The following WDR1 variants were observed in gnomAD, a reference collection of about 807,000 sequenced individuals.
The protein encoded by WDR1 is WD repeat domain 1, also known as WD repeat-containing protein 1.
WDR1 carries 21 observed loss-of-function variants against 71.9 expected under a neutral mutation model. The observed-to-expected ratio is 0.29, with a 90% CI of 0.21 to 0.42. The LOEUF is 0.42. Ranked by LOEUF, WDR1 falls within the 10% of genes least tolerant of loss-of-function variation. The probability of loss-of-function intolerance (pLI) is 1.00; values close to 1 mark genes in which losing one functional copy is unlikely to be tolerated. For missense variants in WDR1, 696 were observed against 824.5 expected (o/e 0.84, Z 1.91); for synonymous variants, 424 against 347.4 (o/e 1.22, Z -2.45).
At position 10,103,904 on chromosome 4, in the gene WDR1, G is replaced by A; in HGVS notation, c.221C>T (p.Ala74Val). The A allele has an allele frequency of 6.3e-7, 1 of 1,588,564 alleles. No homozygotes were observed. The highest frequency in any genetic ancestry group is 1.3e-5 in the African/African-American group (1 of 74,394). Residue 74 changes from alanine to valine, a missense_variant, in exon 3 of 15, where the codon GCC (alanine) becomes GTC (valine). By Grantham distance (64) the Ala-to-Val change is moderately conservative (BLOSUM62 0). Transcript: ENST00000499869. ...AKYAPSGFYI[A>V]SGDVSGKLRI... ...TTGCCCCCATACAGTACCTCCGGAG[G>A]CAATGTAGAATCCGCTGGGCGCATA...
Position 10,074,962 on chromosome 4 carries a change from A to C in WDR1, c.*416T>G. 9.0e-6 allele frequency: 2 copies of C among 223,260 alleles called. No homozygotes were observed. Among genetic ancestry groups the C allele is most frequent in the Non-Finnish European group, 1.8e-5 (2 of 113,280 alleles). The allele number at this position is 223,260 out of a possible 1,614,324, so 13.8% of individuals were successfully genotyped here. A position where few individuals can be genotyped will look rare whatever the true frequency, so the allele number is the denominator to read the frequency against. On this transcript the variant is annotated 3_prime_UTR_variant, in exon 15 of 15. Coordinates refer to ENST00000499869, the MANE Select transcript of WDR1 (RefSeq NM_017491.5). ...GCAATGCATATTCCCTCTTCTCACTAGTACAGAAATGTTCTGCAGGCAGGA... is the reference window on the plus strand; with the variant it reads ...GCAATGCATATTCCCTCTTCTCACTCGTACAGAAATGTTCTGCAGGCAGGA...
At chr4:10,075,682 C>T (rs573516033) in intron 14 of WDR1, 198 bp from the exon 15 acceptor site, 11 of 600,060 alleles carry the variant, frequency 1.8e-5, no homozygotes, top group African/African-American at 9.3e-5. Flanking sequence ...ACCCCGGGGC[C>T]GGGTACCTCT....
At chr4:10,115,988 G>T in intron 2 of WDR1, 125 bp downstream of exon 2, 1 of 1,342,954 alleles carries the variant, frequency 7.4e-7, no homozygotes, top group Non-Finnish European at 1.0e-6. Context: ...TCCCGGTAGA[G>T]GGGGCGTGGC....
chr4:10,116,290 CAG>C (rs1329462437), intron 1 of WDR1, 56 bp from the exon 2 acceptor site: 2 of 1,609,126 alleles, frequency 1.2e-6, no homozygotes, highest in Non-Finnish European at 1.7e-6. Flanking sequence ...ACGGCGGGGA[CAG>C]AAGGGAGAAG....
rs368255182 is a variant in WDR1 at position 10,078,902 on chromosome 4, T to C, written c.1384A>G (p.Ile462Val). The C allele has an allele frequency of 3.6e-5, 58 of 1,612,336 alleles. No individual in the cohort carries two copies. The African/African-American group carries it at 4.7e-4, about 13-fold the overall frequency. Reference protein sequence around the residue: ...AVHPGGDTVAIGGVDGNVRLY... With the variant: ...AVHPGGDTVAVGGVDGNVRLY... ...GGAAAGCGACTTACCACACCCCCAA[T>C]TGCCACCGTGTCCCCGCCGGGGTGC... The change falls in exon 12 of 15, where the codon ATT becomes GTT. Residue 462 changes from isoleucine to valine, a missense_variant. Physicochemically the swap from Ile to Val is conservative, Grantham distance 29. Transcript: ENST00000499869.
intron 4 of WDR1, among the ~76,000 whole-genome samples, chr4:10,098,148 G>A (rs62288521): frequency 0.16 from 24,460 of 152,102 alleles, 2,523 homozygotes; most frequent in Middle Eastern, 0.24. Context: ...TGTCTGTGGG[G>A]CCCCACGCCA....
intron 3 of WDR1, among the ~76,000 whole-genome samples, chr4:10,102,786 G>A (rs575314801): frequency 1.8e-4 from 27 of 152,138 alleles, no homozygotes; most frequent in Non-Finnish European, 3.5e-4. Flanking sequence ...CATGAGTCCC[G>A]CCCTCCCCTA....
At position 10,075,036 on chromosome 4, in the gene WDR1, G is replaced by C. The variant is rs1485962559; in HGVS notation, c.*342C>G. 2.6e-5 allele frequency: 10 copies of C among 388,442 alleles called. No homozygotes were observed. The highest frequency in any genetic ancestry group is 4.0e-5 in the African/African-American group (2 of 49,494). The allele number at this position is 388,442 out of a possible 1,614,324, so 24.1% of individuals were successfully genotyped here. On this transcript the variant is annotated 3_prime_UTR_variant, in exon 15 of 15. Transcript: ENST00000499869. Reference sequence around the variant, plus strand: ...CCTGTACAACCTCCCCTGACAGATAGTGAGAGCCGCGGCGGGGCCAGGGGC... The same window carrying C: ...CCTGTACAACCTCCCCTGACAGATACTGAGAGCCGCGGCGGGGCCAGGGGC...
At chr4:10,099,259 C>G (rs926897685) in intron 3 of WDR1, 120 bp from the exon 4 acceptor site, 1 of 804,788 alleles carries the variant, frequency 1.2e-6, no homozygotes, top group African/African-American at 1.7e-5. Context: ...AGAACCATGT[C>G]TGGTTGCTTA....
At position 10,100,660 on chromosome 4, in the gene WDR1, T is replaced by C. The variant is rs115908281; in HGVS notation, c.230-1521A>G. Among the ~76,000 whole-genome samples, 739 of 152,242 alleles carry C rather than the reference T, an allele frequency of 4.9e-3. 7 individuals carry two copies. Among genetic ancestry groups the C allele is most frequent in the African/African-American group, 0.017 (698 of 41,532 alleles). On this transcript the variant is annotated intron_variant, in intron 3 of 14. Coordinates refer to ENST00000499869, the MANE Select transcript of WDR1 (RefSeq NM_017491.5). ...AAGGGGAGTCCCAGAAGGGCCCAGTTCTCTGCACAAGGTCCAGGAAGACCA... is the reference window on the plus strand; with the variant it reads ...AAGGGGAGTCCCAGAAGGGCCCAGTCCTCTGCACAAGGTCCAGGAAGACCA...
At chr4:10,109,861 C>G (rs568791414) in intron 2 of WDR1, among the ~76,000 whole-genome samples, 1 of 152,354 alleles carries the variant, frequency 6.6e-6, no homozygotes, top group East Asian at 1.9e-4. Context: ...CCCAACAGGG[C>G]AGTCATGAAG....
At chr4:10,108,190 A>G (rs1713136956) in intron 2 of WDR1, 1 of 152,148 alleles carries the variant, frequency 6.6e-6, no homozygotes, top group Non-Finnish European at 1.5e-5. Context: ...ACAATTAGTG[A>G]GCCCTGAGCC....
intron 2 of WDR1, 182 bp downstream of exon 2, chr4:10,115,931 G>A (rs1296560821): frequency 8.2e-6 from 6 of 727,384 alleles, no homozygotes; most frequent in Non-Finnish European, 1.4e-5. Flanking sequence ...GAGCAGACAA[G>A]GACCTGGGTG....
Position 10,099,053 on chromosome 4 carries a change from T to C in WDR1, c.316A>G (p.Lys106Glu). The C allele has an allele frequency of 1.9e-6, 3 of 1,613,958 alleles. No homozygotes were observed. Among genetic ancestry groups the C allele is most frequent in the Non-Finnish European group, 2.5e-6 (3 of 1,179,860 alleles). The change falls in exon 4 of 15, where the codon AAA becomes GAA. Residue 106 changes from lysine (K) to glutamate (E), a missense_variant. Transcript: ENST00000499869. The stretch of plus-strand genomic sequence containing the variant: ...CTGTCTTCAGTCCAAGCAATGTCTT[T>C]GATCTTCCCAGCGAAAGGCTGGTAC... ...YEYQPFAGKI[K>E]DIAWTEDSKR... is the part of the protein sequence containing the mutation.
chr4:10,116,347 G>A, intron 1 of WDR1, 113 bp from the exon 2 acceptor site: 1 of 1,468,114 alleles, frequency 6.8e-7, no homozygotes, highest in South Asian at 1.3e-5. Flanking sequence ...ACTGCGCCGG[G>A]AGGGCGGCCT....
At chr4:10,114,523 A>G (rs1452844553) in intron 2 of WDR1, among the ~76,000 whole-genome samples, 1 of 152,238 alleles carries the variant, frequency 6.6e-6, no homozygotes, top group African/African-American at 2.4e-5. Flanking sequence ...CCCTCCCTGG[A>G]AGTCAATGTG....
intron 12 of WDR1, among the ~76,000 whole-genome samples, chr4:10,078,301 C>A (rs1764877683): frequency 6.6e-6 from 1 of 152,198 alleles, no homozygotes; most frequent in Non-Finnish European, 1.5e-5. Flanking sequence ...AGAGGGCTGC[C>A]CTCCTGGGCT....
At chr4:10,102,234 G>C (rs1712722170) in intron 3 of WDR1, among the ~76,000 whole-genome samples, 1 of 152,230 alleles carries the variant, frequency 6.6e-6, no homozygotes, top group South Asian at 2.1e-4. Flanking sequence ...TAAGAGGCAG[G>C]CACTAGCAGC....
chr4:10,112,803 A>G (rs1334104148), intron 2 of WDR1, among the ~76,000 whole-genome samples: 1 of 152,214 alleles, frequency 6.6e-6, no homozygotes, highest in Non-Finnish European at 1.5e-5. Flanking sequence ...TAACTCACTG[A>G]GCACCTACTG....
Sources: allele counts gnomAD v4.1 joint callset (sites outside exome capture counted in the v4.1 genomes callset), GRCh38; gene constraint gnomAD v4.1.1; transcripts MANE v1.5; gene names NCBI Gene and HGNC (gene_info 2026-07-23, HGNC 2026-07-21).